The following CCDC88B variants were observed in gnomAD, a reference collection of about 807,000 sequenced individuals.
The protein encoded by CCDC88B is coiled-coil domain-containing protein 88B.
A neutral mutation model predicts 183.7 loss-of-function variants in CCDC88B; 138 were observed. The ratio of observed to expected loss-of-function variants is 0.75; its 90% CI spans 0.65 to 0.87. The LOEUF (loss-of-function observed/expected upper bound fraction) is 0.87, where lower values mean the gene tolerates loss of function less well. Ranked by LOEUF, CCDC88B falls within the 40% of genes least tolerant of loss-of-function variation. CCDC88B has a pLI of 0.00. For synonymous variants in CCDC88B, 835 were observed against 867.5 expected (o/e 0.96, Z 0.66); for missense variants, 1,822 against 1,965.6 (o/e 0.93, Z 1.38).
rs1235057417 is a variant in CCDC88B, at chr11:64,345,083, G to T, written c.2542G>T (p.Val848Leu). Residue 848 changes from valine (V) to leucine (L), a missense_variant, in exon 14 of 27, where the codon GTG becomes TTG. By Grantham distance (32) the Val-to-Leu change is conservative. Coordinates refer to ENST00000356786, the MANE Select transcript of CCDC88B (RefSeq NM_032251.6). ...QSEAAEERMQ[V>L]LESEGRQHLE... The stretch of plus-strand genomic sequence containing the variant: ...GGAGGCCGCCGAGGAACGGATGCAG[G>T]TGCTGGAGAGCGAGGGCCGCCAGCA... 1.3e-6 allele frequency: 2 copies of T among 1,551,870 alleles called. No individual in the cohort carries two copies. The highest frequency in any genetic ancestry group is 8.7e-7 in the Non-Finnish European group (1 of 1,151,228).
intron 11 of CCDC88B, 50 bp from the exon 12 acceptor site, chr11:64,343,457 C>CCAT (rs2035969071): frequency 6.5e-7 from 1 of 1,543,128 alleles, no homozygotes; most frequent in Admixed American, 2.0e-5. Flanking sequence ...CCTACACACT[C>CCAT]GGCCTGGCCA....
At position 64,352,764 on chromosome 11, in the gene CCDC88B, A is replaced by T; in HGVS notation, c.3377A>T (p.Gln1126Leu). 6.2e-7 allele frequency: 1 copy of T among 1,613,522 alleles called. No individual in the cohort carries two copies. The highest frequency in any genetic ancestry group is 1.3e-5 in the African/African-American group (1 of 75,066). The change falls in exon 20 of 27, where the codon CAG becomes CTG. Residue 1126 changes from glutamine (Q) to leucine (L), a missense_variant. Transcript: ENST00000356786. ...CCCAGGCACGAGCAGCTGCAGGCCC[A>T]GCGGGCCAGCGTGGAGGCACAGGAG... ...LQGRHEQLQA[Q>L]RASVEAQEVA... is the part of the protein sequence containing the mutation.
rs1002618899 is a variant in CCDC88B, at chr11:64,344,518, G to A, written c.1977G>A (p.Gln659=). 3 of 1,607,126 alleles carry A rather than the reference G, an allele frequency of 1.9e-6. No individual in the cohort carries two copies. The highest frequency in any genetic ancestry group is 1.3e-5 in the African/African-American group (1 of 74,742). Residue 659 remains glutamine (Q), a synonymous_variant, in exon 14 of 27, where the codon CAG becomes CAA. Coordinates refer to ENST00000356786, the MANE Select transcript of CCDC88B (RefSeq NM_032251.6). The surrounding 1 kb of genome is among the most constrained non-coding windows in gnomAD (Gnocchi z 4.5). ...KPGPSEPSSV[Q]LEEQEGPNQG... is the part of the protein sequence containing the mutation. ...GGCCTTCGGAGCCCAGCTCTGTGCA[G>A]CTGGAGGAGCAGGAGGGCCCAAACC...
At position 64,341,660 on chromosome 11, in the gene CCDC88B, C is replaced by T; in HGVS notation, c.593C>T (p.Ala198Val). ...ALSGPDPGELAPAELEMLSRS... is the reference protein window; with the variant it reads ...ALSGPDPGELVPAELEMLSRS... The stretch of plus-strand genomic sequence containing the variant: ...TCTGGGCCAGATCCTGGGGAGCTGG[C>T]ACCTGCCGAGCTGGAGATGCTGTCC... The change falls in exon 7 of 27, where the codon GCA (alanine) becomes GTA (valine). Residue 198 changes from alanine to valine, a missense_variant. Coordinates refer to ENST00000356786, the MANE Select transcript of CCDC88B (RefSeq NM_032251.6). 1 of 1,607,518 alleles carries T rather than the reference C, an allele frequency of 6.2e-7. No homozygotes were observed. Among genetic ancestry groups the T allele is most frequent in the Non-Finnish European group, 8.5e-7 (1 of 1,177,320 alleles).
Position 64,355,288 on chromosome 11 carries a change from A to G in CCDC88B, c.4194A>G (p.Ser1398=). 6.3e-7 allele frequency: 1 copy of G among 1,589,214 alleles called. No homozygotes were observed. The change falls in exon 25 of 27, where the codon TCA becomes TCG. Residue 1398 remains serine, a synonymous_variant. Transcript: ENST00000356786. ...GCGGGCAGCGGCGGAAACTCAGCTC[A>G]AGGTTCCCGGTGGGGCGAAGCTCTG... The part of the protein sequence containing the change: ...LAGGQRRKLS[S]RFPVGRSSES...
intron 15 of CCDC88B, 31 bp from the exon 16 acceptor site, chr11:64,349,520 T>TGGGGGGGGGG: frequency 9.4e-6 from 4 of 423,924 alleles, no homozygotes; most frequent in Non-Finnish European, 1.5e-5. Context: ...GAGGGTGGGG[T>TGGGGGGGGGG]GGGGCTGGGT....
chr11:64,352,419 G>A (rs1467395473), intron 19 of CCDC88B, 33 bp downstream of exon 19: 2 of 1,502,282 alleles, frequency 1.3e-6, no homozygotes, highest in Non-Finnish European at 1.8e-6. Context: ...CTCCTCCCCT[G>A]GCACCCCCTA....
At position 64,357,354 on chromosome 11, in the gene CCDC88B, A is replaced by G. The variant is rs749669571; in HGVS notation, c.*260A>G. On this transcript the variant is annotated 3_prime_UTR_variant, in exon 27 of 27. Coordinates refer to ENST00000356786, the MANE Select transcript of CCDC88B (RefSeq NM_032251.6). ...TGGTTCTTCCAGGTGGCTCCCGCTG[A>G]GGCAGCGGTCTCTGGGGGATCCCCC... 1 of 717,776 alleles carries G rather than the reference A, an allele frequency of 1.4e-6. No individual in the cohort carries two copies. Among genetic ancestry groups the G allele is most frequent in the South Asian group, 1.5e-5 (1 of 67,630 alleles). 44.5% of individuals were successfully genotyped at this position (717,776 alleles called of 1,614,324 possible).
chr11:64,341,914 C>G (rs1210250341), intron 7 of CCDC88B, 80 bp from the exon 8 acceptor site: 1 of 825,842 alleles, frequency 1.2e-6, no homozygotes, highest in Non-Finnish European at 1.7e-6. Flanking sequence ...ACCACAACCC[C>G]ATGTCTGGTG....
intron 9 of CCDC88B, 40 bp downstream of exon 9, chr11:64,342,415 C>A (rs1051586093): frequency 1.2e-5 from 18 of 1,551,046 alleles, no homozygotes; most frequent in Non-Finnish European, 1.4e-5. Context: ...CATTCCCTAA[C>A]CTCCCCGCAC....
intron 3 of CCDC88B, 39 bp from the exon 4 acceptor site, chr11:64,341,070 C>A (rs1466885470): frequency 6.2e-7 from 1 of 1,613,874 alleles, no homozygotes; most frequent in Non-Finnish European, 8.5e-7. Flanking sequence ...GGAGCCCCTT[C>A]GGGAAGGCGC....
At chr11:64,342,484 G>C (rs1202023695) in intron 9 of CCDC88B, 38 bp from the exon 10 acceptor site, 1 of 1,529,644 alleles carries the variant, frequency 6.5e-7, no homozygotes, top group East Asian at 2.5e-5. Context: ...CCTCTGGCCC[G>C]CGGCTGGCTG....
chr11:64,349,548 C>T lies in CCDC88B; in HGVS notation c.2745-3C>T, dbSNP rs1252015715. ...GGCTGGGTGCTAAGGATTCTCCTGG[C>T]AGGTACCAGGGCTTGGAGCAGCGGC... On this transcript the variant is annotated splice_region_variant and splice_polypyrimidine_tract_variant and intron_variant, in intron 15 of 26. Coordinates refer to ENST00000356786, the MANE Select transcript of CCDC88B (RefSeq NM_032251.6). 3 of 1,596,908 alleles carry T rather than the reference C, an allele frequency of 1.9e-6. No homozygotes were observed. The highest frequency in any genetic ancestry group is 1.7e-5 in the Admixed American group (1 of 57,212).
In CCDC88B at chr11:64,341,427, C is replaced by T. The variant is rs757792174; in HGVS notation, c.454C>T (p.His152Tyr). 1 of 1,614,030 alleles carries T rather than the reference C, an allele frequency of 6.2e-7. No homozygotes were observed. The highest frequency in any genetic ancestry group is 8.5e-7 in the Non-Finnish European group (1 of 1,180,016). Residue 152 changes from histidine (H) to tyrosine (Y), a missense_variant, in exon 6 of 27, where the codon CAC (histidine) becomes TAC (tyrosine). His to Tyr is a moderately conservative substitution (Grantham distance 83). Transcript: ENST00000356786. The part of the protein sequence containing the change: ...LLLGASVQCE[H>Y]RELFIRHIQG... ...CCTTCCTGTCTCCCCTCAGTGTGAG[C>T]ACCGGGAACTCTTCATCCGCCACAT... is the stretch of plus-strand genomic sequence containing the variant.
chr11:64,341,045 G>T (rs745623381), intron 3 of CCDC88B, 27 bp downstream of exon 3: 1 of 1,613,454 alleles, frequency 6.2e-7, no homozygotes, highest in Admixed American at 1.7e-5. Flanking sequence ...GAAAGGCGGA[G>T]ACAGGAGGGG....
rs748253624 is a variant in CCDC88B, at chr11:64,357,033, C to T, written c.4376-6C>T. ...AAGCAGATCTCAGCTGAGCCTTTCC[C>T]TCTAGGCCCTGAGGTACAGGAACCG... On this transcript the variant is annotated splice_region_variant and splice_polypyrimidine_tract_variant and intron_variant, in intron 26 of 26. Coordinates refer to ENST00000356786, the MANE Select transcript of CCDC88B (RefSeq NM_032251.6). The T allele has an allele frequency of 2.5e-6, 4 of 1,580,112 alleles. No individual in the cohort carries two copies. Among genetic ancestry groups the T allele is most frequent in the East Asian group, 4.5e-5 (2 of 44,520 alleles).
At chr11:64,347,391 C>A (rs2036155039) in intron 14 of CCDC88B, among the ~76,000 whole-genome samples, 1 of 152,196 alleles carries the variant, frequency 6.6e-6, no homozygotes, top group East Asian at 1.9e-4. Context: ...TGTGAGATTG[C>A]AACACAGGTA....
In CCDC88B at chr11:64,345,030, G is replaced by A. The variant is rs775394102; in HGVS notation, c.2489G>A (p.Arg830His). 13 of 1,548,304 alleles carry A rather than the reference G, an allele frequency of 8.4e-6. No homozygotes were observed. Among genetic ancestry groups the A allele is most frequent in the South Asian group, 3.6e-5 (3 of 84,404 alleles). ...GGCCGGGAGCGGAGGCAGTGGGAGCGTGAGGGGTCCAGGCTGCGGGCCCAG... is the reference window on the plus strand; with the variant it reads ...GGCCGGGAGCGGAGGCAGTGGGAGCATGAGGGGTCCAGGCTGCGGGCCCAG... ...AAGRERRQWE[R>H]EGSRLRAQSE... is the part of the protein sequence containing the mutation. The change falls in exon 14 of 27, where the codon CGT (arginine) becomes CAT (histidine). Residue 830 changes from arginine (R) to histidine (H), a missense_variant. Physicochemically the swap from Arg to His is conservative, Grantham distance 29. Coordinates refer to ENST00000356786, the MANE Select transcript of CCDC88B (RefSeq NM_032251.6).
At chr11:64,356,679 C>G (rs548818086) in intron 26 of CCDC88B, 9 of 344,236 alleles carry the variant, frequency 2.6e-5, no homozygotes, top group Non-Finnish European at 4.8e-5. Context: ...GCCCTAGACC[C>G]GGCTGGACCA....
Sources: allele counts gnomAD v4.1 joint callset (sites outside exome capture counted in the v4.1 genomes callset), GRCh38; gene constraint gnomAD v4.1.1; non-coding constraint Gnocchi (gnomAD v3.1); transcripts MANE v1.5; gene names NCBI Gene and HGNC (gene_info 2026-07-23, HGNC 2026-07-21).